SAMMSON: variants seen among roughly 807,000 people sequenced by gnomAD.
The protein encoded by SAMMSON is survival associated mitochondrial melanoma specific oncogenic non-coding RNA.
intron 4 of SAMMSON, among the ~76,000 whole-genome samples, chr3:70,189,988 A>G (rs1050010734): frequency 6.6e-6 from 1 of 152,194 alleles, no homozygotes; most frequent in Non-Finnish European, 1.5e-5. Flanking sequence ...AATATTATAG[A>G]TTATATTTTA....
At chr3:70,113,851 G>A (rs1043318727) in intron 4 of SAMMSON, among the ~76,000 whole-genome samples, 2 of 151,934 alleles carry the variant, frequency 1.3e-5, no homozygotes, top group East Asian at 3.9e-4. Context: ...GATGAGACCA[G>A]GACTGTCTCT....
At chr3:70,256,863 C>T (rs1233998419) in intron 6 of SAMMSON, among the ~76,000 whole-genome samples, 21 of 152,142 alleles carry the variant, frequency 1.4e-4, no homozygotes, top group Non-Finnish European at 7.3e-5. Context: ...CAACTAGAAG[C>T]TTAAATAAAC....
At chr3:70,214,806 C>G (rs1023910918) in intron 4 of SAMMSON, among the ~76,000 whole-genome samples, 1 of 152,010 alleles carries the variant, frequency 6.6e-6, no homozygotes, top group African/African-American at 2.4e-5. Context: ...TTATGAGTCT[C>G]CATTTCATTT....
At chr3:70,165,048 G>A (rs2067631703) in intron 4 of SAMMSON, among the ~76,000 whole-genome samples, 1 of 152,014 alleles carries the variant, frequency 6.6e-6, no homozygotes, top group African/African-American at 2.4e-5. Flanking sequence ...TTCAAGAGAT[G>A]TTCTACTAAA....
At chr3:70,124,096 A>T (rs145258874) in intron 4 of SAMMSON, among the ~76,000 whole-genome samples, 1 of 152,302 alleles carries the variant, frequency 6.6e-6, no homozygotes, top group African/African-American at 2.4e-5. Flanking sequence ...TGGTTTCCTG[A>T]ACATTCTCTC....
At chr3:70,168,405 A>C (rs1162461650) in intron 4 of SAMMSON, among the ~76,000 whole-genome samples, 3 of 152,016 alleles carry the variant, frequency 2.0e-5, no homozygotes, top group Non-Finnish European at 2.9e-5. Flanking sequence ...GAAAATCAGC[A>C]CATGGAGCTT....
At chr3:70,149,831 C>A (rs2067563985) in intron 4 of SAMMSON, among the ~76,000 whole-genome samples, 1 of 152,052 alleles carries the variant, frequency 6.6e-6, no homozygotes, top group Non-Finnish European at 1.5e-5. Flanking sequence ...TTCCTACTTA[C>A]AAGTTATCTT....
intron 4 of SAMMSON, among the ~76,000 whole-genome samples, chr3:70,159,957 A>G (rs1269992905): frequency 6.6e-6 from 1 of 152,000 alleles, no homozygotes; most frequent in Non-Finnish European, 1.5e-5. Flanking sequence ...GAGCTTTACA[A>G]GTGCTTCTTA....
intron 4 of SAMMSON, among the ~76,000 whole-genome samples, chr3:70,212,629 A>G (rs537830690): frequency 6.6e-6 from 1 of 152,128 alleles, no homozygotes; most frequent in East Asian, 1.9e-4. Flanking sequence ...CTCTGAATAC[A>G]GTGACAACTC....
chr3:70,099,484 T>C (rs1027543754), intron 4 of SAMMSON, among the ~76,000 whole-genome samples: 3 of 152,250 alleles, frequency 2.0e-5, no homozygotes, highest in Admixed American at 1.3e-4. Context: ...AAAATGTTTC[T>C]ATGGTCATTT....
chr3:70,251,307 A>G (rs563129410), intron 6 of SAMMSON, among the ~76,000 whole-genome samples: 1 of 152,270 alleles, frequency 6.6e-6, no homozygotes, highest in African/African-American at 2.4e-5. Flanking sequence ...AAGTAAAGTG[A>G]TTTACTGCAG....
intron 4 of SAMMSON, among the ~76,000 whole-genome samples, chr3:70,199,769 G>A (rs1213247836): frequency 1.3e-5 from 2 of 152,046 alleles, no homozygotes; most frequent in Non-Finnish European, 2.9e-5. Flanking sequence ...ACTATTTCCT[G>A]GTGCTTTAAT....
In SAMMSON at chr3:70,342,505, G is replaced by A. The variant is rs545818223; in HGVS notation, n.740-11670G>A. Among the ~76,000 whole-genome samples, 23 of 152,226 alleles carry A rather than the reference G, an allele frequency of 1.5e-4. No homozygotes were observed. In the South Asian group the frequency reaches 4.8e-3, roughly 32 times the overall value. ...GGCTTTACACTATATTCATTCCAAA[G>A]TATTTGTCTTAGTGTCTGATTACCT... On this transcript the variant is annotated intron_variant and non_coding_transcript_variant, in intron 7 of 9. Coordinates refer to ENST00000642114, the Ensembl canonical transcript of SAMMSON.
chr3:70,124,836 A>AAAAAAAAT (rs1559519155), intron 4 of SAMMSON, among the ~76,000 whole-genome samples: 1 of 148,898 alleles, frequency 6.7e-6, no homozygotes, highest in Non-Finnish European at 1.5e-5. Flanking sequence ...AAAAAAAAAA[A>AAAAAAAAT]AAAGAAAGAA....
chr3:70,056,655 C>A (rs1382819849), intron 3 of SAMMSON, among the ~76,000 whole-genome samples: 1 of 152,032 alleles, frequency 6.6e-6, no homozygotes, highest in Non-Finnish European at 1.5e-5. Flanking sequence ...AATATTAAAA[C>A]TCATAGTGTA....
At chr3:70,414,104 AG>A in intron 2 of SAMMSON, among the ~76,000 whole-genome samples, 1 of 152,252 alleles carries the variant, frequency 6.6e-6, no homozygotes, top group East Asian at 1.9e-4. Flanking sequence ...GGTTCTATTG[AG>A]AGGCCTCTGA....
chr3:70,377,158 AT>A (rs1703024412), intron 9 of SAMMSON, among the ~76,000 whole-genome samples: 1 of 152,154 alleles, frequency 6.6e-6, no homozygotes, highest in Non-Finnish European at 1.5e-5. Context: ...AGGCGAAATA[AT>A]CTGAATGTCC....
At chr3:70,259,951 T>C (rs1701850439) in intron 6 of SAMMSON, among the ~76,000 whole-genome samples, 3 of 151,922 alleles carry the variant, frequency 2.0e-5, no homozygotes, top group African/African-American at 4.8e-5. Flanking sequence ...GGGGCACTTA[T>C]AAAACCATCA....
chr3:70,264,357 G>A (rs552232943), intron 6 of SAMMSON, among the ~76,000 whole-genome samples: 2 of 152,156 alleles, frequency 1.3e-5, no homozygotes, highest in Non-Finnish European at 2.9e-5. Flanking sequence ...CTCTTGTTTA[G>A]TCTTCTAAGA....
Sources: allele counts gnomAD v4.1 joint callset (sites outside exome capture counted in the v4.1 genomes callset), GRCh38; gene constraint gnomAD v4.1.1; transcripts MANE v1.5; gene names NCBI Gene and HGNC (gene_info 2026-07-23, HGNC 2026-07-21).